ZFHX3: variants seen among roughly 807,000 people sequenced by gnomAD.
The protein encoded by ZFHX3 is zinc finger homeobox 3.
In ZFHX3, 42 loss-of-function variants were observed where a neutral mutation model predicts 279.1. That is an observed-to-expected ratio of 0.15 (90% CI 0.12 to 0.19). The LOEUF (loss-of-function observed/expected upper bound fraction) is 0.19. ZFHX3 is among the 10% of genes least tolerant of loss of function. The probability of loss-of-function intolerance (pLI) is 1.00; values close to 1 mark genes in which losing one functional copy is unlikely to be tolerated. For synonymous variants in ZFHX3, 2,293 were observed against 1,957.8 expected (o/e 1.17, Z -4.52); for missense variants, 4,981 against 4,754.0 (o/e 1.05, Z -1.40).
In ZFHX3 at chr16:72,959,394, G is replaced by A. The variant is rs921891321; in HGVS notation, c.752C>T (p.Ala251Val). ...ATCTTTGGATACGCAGGAGCTTTTG[G>A]CAGAACCGTCGCTGTTCAGGTAATC... is the stretch of plus-strand genomic sequence containing the variant. Reference protein sequence around the residue: ...NKDYLNSDGSAKSSCVSKDVP... With the variant: ...NKDYLNSDGSVKSSCVSKDVP... The change falls in exon 2 of 10, where the codon GCC (alanine) becomes GTC (valine). Residue 251 changes from alanine (A) to valine (V), a missense_variant. Ala to Val is a moderately conservative substitution (Grantham distance 64). Coordinates refer to ENST00000268489, the MANE Select transcript of ZFHX3 (RefSeq NM_006885.4). The A allele has an allele frequency of 6.2e-7, 1 of 1,614,110 alleles. No individual in the cohort carries two copies. The highest frequency in any genetic ancestry group is 1.3e-5 in the African/African-American group (1 of 74,942).
At chr16:73,376,923 T>C (rs1275746866) in intron 3 of ZFHX3, among the ~76,000 whole-genome samples, 3 of 151,848 alleles carry the variant, frequency 2.0e-5, no homozygotes, top group African/African-American at 7.3e-5. Flanking sequence ...TCCTGGGCTT[T>C]GCAAAACAGT....
At chr16:73,400,445 AG>A (rs1477846672) in intron 3 of ZFHX3, 2 of 152,178 alleles carry the variant, frequency 1.3e-5, no homozygotes, top group Admixed American at 1.3e-4. Context: ...CCCTCAGGCA[AG>A]TAGATCTGTG....
At position 72,788,244 on chromosome 16, in the gene ZFHX3, G is replaced by A. The variant is rs2035538409; in HGVS notation, c.10032C>T (p.Tyr3344=). ...TCAGGGCCTGCGACAGTGCAGGGCT[G>A]TAGGGGAACAGGCCTTCCATGCCAT... The part of the protein sequence containing the change: ...PMYGMEGLFP[Y]SPALSQALMG... The change falls in exon 10 of 10, where the codon TAC becomes TAT. Residue 3344 remains tyrosine, a synonymous_variant. Transcript: ENST00000268489. 1 of 1,614,168 alleles carries A rather than the reference G, an allele frequency of 6.2e-7. No individual in the cohort carries two copies. The highest frequency in any genetic ancestry group is 1.1e-5 in the South Asian group (1 of 91,086).
At chr16:73,831,669 T>C (rs1961000845) in intron 1 of ZFHX3, among the ~76,000 whole-genome samples, 2 of 152,198 alleles carry the variant, frequency 1.3e-5, no homozygotes, top group Non-Finnish European at 2.9e-5. Flanking sequence ...CAACTTTCTC[T>C]TGTAGAACTC....
intron 2 of ZFHX3, among the ~76,000 whole-genome samples, chr16:73,489,194 G>A (rs2019019554): frequency 6.6e-6 from 1 of 152,142 alleles, no homozygotes; most frequent in Non-Finnish European, 1.5e-5. Flanking sequence ...TTTGAATCTG[G>A]GAGGGAGAGA....
At chr16:73,133,745 T>A (rs1335407721) in intron 6 of ZFHX3, among the ~76,000 whole-genome samples, 1 of 152,110 alleles carries the variant, frequency 6.6e-6, no homozygotes, top group Non-Finnish European at 1.5e-5. Context: ...ATTTTGGGGG[T>A]TCCTGTCCAC....
At chr16:73,037,878 A>G (rs1964968437) in intron 1 of ZFHX3, among the ~76,000 whole-genome samples, 1 of 152,160 alleles carries the variant, frequency 6.6e-6, no homozygotes, top group African/African-American at 2.4e-5. Flanking sequence ...TTCAAAAGAT[A>G]AAGTGAGACC....
At chr16:72,873,769 TTA>T (rs2038225869) in intron 4 of ZFHX3, among the ~76,000 whole-genome samples, 1 of 152,166 alleles carries the variant, frequency 6.6e-6, no homozygotes, top group Admixed American at 6.6e-5. Context: ...ACTGTGACAA[TTA>T]TATGTGTTTT....
chr16:72,876,953 G>T (rs192007629), intron 4 of ZFHX3, among the ~76,000 whole-genome samples: 1 of 152,148 alleles, frequency 6.6e-6, no homozygotes, highest in Non-Finnish European at 1.5e-5. Flanking sequence ...AGAAAGGGGG[G>T]TGATTCCAAA....
chr16:73,085,037 T>G (rs1307131682), intron 8 of ZFHX3, among the ~76,000 whole-genome samples: 1 of 150,550 alleles, frequency 6.6e-6, no homozygotes, highest in African/African-American at 2.4e-5. Context: ...TGCACAGAAA[T>G]AGAAAAAAAA....
At chr16:72,990,232 C>G (rs937031520) in intron 1 of ZFHX3, among the ~76,000 whole-genome samples, 2 of 152,210 alleles carry the variant, frequency 1.3e-5, no homozygotes, top group Admixed American at 6.5e-5. Context: ...TTGGCACTGT[C>G]ACTTGGCAAT....
chr16:73,265,015 CATATAT>C (rs59599339), intron 4 of ZFHX3, among the ~76,000 whole-genome samples: 3 of 142,100 alleles, frequency 2.1e-5, no homozygotes, highest in African/African-American at 7.8e-5. Context: ...CACCTCAGTG[CATATAT>C]ATATATATAT....
intron 1 of ZFHX3, among the ~76,000 whole-genome samples, chr16:73,888,861 G>C (rs1030996419): frequency 6.6e-6 from 1 of 151,772 alleles, no homozygotes. Context: ...AAAAAAAACC[G>C]GGAAGGATCC....
intron 1 of ZFHX3, among the ~76,000 whole-genome samples, chr16:72,997,139 A>C (rs1963325827): frequency 1.3e-5 from 2 of 152,228 alleles, no homozygotes; most frequent in Admixed American, 1.3e-4. Context: ...ACACTGCACA[A>C]GTGTTCCTGC....
At chr16:73,704,172 G>C (rs946904389) in intron 1 of ZFHX3, among the ~76,000 whole-genome samples, 4 of 152,286 alleles carry the variant, frequency 2.6e-5, no homozygotes, top group African/African-American at 7.2e-5. Context: ...CAGACTGAAA[G>C]AGTGAGCACT....
At chr16:73,202,124 A>T (rs541714634) in intron 5 of ZFHX3, among the ~76,000 whole-genome samples, 1 of 152,212 alleles carries the variant, frequency 6.6e-6, no homozygotes, top group Non-Finnish European at 1.5e-5. Context: ...ATTATTCACT[A>T]TAAGTCTGTG....
At chr16:73,354,928 A>G (rs2016311204) in intron 3 of ZFHX3, among the ~76,000 whole-genome samples, 1 of 152,230 alleles carries the variant, frequency 6.6e-6, no homozygotes, top group Non-Finnish European at 1.5e-5. Context: ...CAAATAGTTA[A>G]TTACTCCACA....
intron 1 of ZFHX3, among the ~76,000 whole-genome samples, chr16:73,044,440 A>G (rs917734848): frequency 3.9e-5 from 6 of 152,244 alleles, no homozygotes. Flanking sequence ...CACATACTGT[A>G]CTTCTTCAGG....
intron 1 of ZFHX3, among the ~76,000 whole-genome samples, chr16:73,842,446 A>G (rs1961335232): frequency 6.6e-6 from 1 of 152,034 alleles, no homozygotes; most frequent in Non-Finnish European, 1.5e-5. Flanking sequence ...TAAACCACAC[A>G]TGGCCAGGAC....
Sources: allele counts gnomAD v4.1 joint callset (sites outside exome capture counted in the v4.1 genomes callset), GRCh38; gene constraint gnomAD v4.1.1; transcripts MANE v1.5; gene names NCBI Gene and HGNC (gene_info 2026-07-23, HGNC 2026-07-21).